The following HPGDS variants were observed in gnomAD, a reference collection of about 807,000 sequenced individuals.
HPGDS encodes GST class-sigma.
In HPGDS, 26 loss-of-function variants were observed where a neutral mutation model predicts 23.1. That is an observed-to-expected ratio of 1.13 (90% CI 0.83 to 1.56). The LOEUF (loss-of-function observed/expected upper bound fraction) is 1.56, where lower values mean the gene tolerates loss of function less well. Among genes scored for constraint, HPGDS ranks in the 40% most tolerant of loss-of-function variants. HPGDS has a pLI of 0.00. For synonymous variants in HPGDS, 95 were observed against 77.9 expected (o/e 1.22, Z -1.16); for missense variants, 268 against 236.4 (o/e 1.13, Z -0.88).
chr4:94,323,001 T>C (rs1756548808), intron 2 of HPGDS, among the ~76,000 whole-genome samples: 1 of 152,258 alleles, frequency 6.6e-6, no homozygotes, highest in Non-Finnish European at 1.5e-5. Context: ...TGTTTATTTC[T>C]GCCTTCATTT....
chr4:94,319,151 G>C (rs767592708), intron 2 of HPGDS, among the ~76,000 whole-genome samples: 7 of 152,118 alleles, frequency 4.6e-5, no homozygotes, highest in Non-Finnish European at 1.0e-4. Context: ...TCCAACTCTT[G>C]TTACATTAGA....
intron 3 of HPGDS, among the ~76,000 whole-genome samples, chr4:94,315,164 AATCCCCAGTGAGAC>A (rs1756370368): frequency 1.5e-5 from 1 of 64,890 alleles, no homozygotes; most frequent in South Asian, 1.0e-3. Context: ...ACTGTCTGAC[AATCCCCAGTGAGAC>A]AATCCCCGGT....
chr4:94,319,441 T>C (rs545102121), intron 2 of HPGDS, among the ~76,000 whole-genome samples: 92 of 152,338 alleles, frequency 6.0e-4, no homozygotes, highest in African/African-American at 2.1e-3. Context: ...AGGCAGCAGA[T>C]AGTTGGCTTG....
chr4:94,307,693 C>A (rs1367193377), intron 4 of HPGDS, among the ~76,000 whole-genome samples: 1 of 152,090 alleles, frequency 6.6e-6, no homozygotes, highest in Non-Finnish European at 1.5e-5. Context: ...AACAGATGAA[C>A]TGACACTACG....
chr4:94,312,833 A>G (rs1335247119), intron 3 of HPGDS, among the ~76,000 whole-genome samples: 1 of 152,206 alleles, frequency 6.6e-6, no homozygotes, highest in African/African-American at 2.4e-5. Flanking sequence ...TATTGGGTGC[A>G]TATATATTTA....
chr4:94,317,855 G>T lies in HPGDS; in HGVS notation c.226+18C>A. 6.9e-7 allele frequency: 1 copy of T among 1,449,940 alleles called. No individual in the cohort carries two copies. The highest frequency in any genetic ancestry group is 9.7e-7 in the Non-Finnish European group (1 of 1,035,038). 89.8% of individuals were successfully genotyped at this position (1,449,940 alleles called of 1,614,324 possible). A position where few individuals can be genotyped will look rare whatever the true frequency, so the allele number is the denominator to read the frequency against. On this transcript the variant is annotated intron_variant, in intron 3 of 5. Transcript: ENST00000295256. ...TTGTTTCAGTTATCAAAAATCTTAA[G>T]CACAATAAACATGTTACCTGTGTTT...
At chr4:94,317,697 C>T (rs1756424626) in intron 3 of HPGDS, among the ~76,000 whole-genome samples, 176 bp downstream of exon 3, 1 of 152,102 alleles carries the variant, frequency 6.6e-6, no homozygotes. Context: ...TCTAATTGTC[C>T]AGGGAACTCA....
At chr4:94,322,074 T>C (rs1756522836) in intron 2 of HPGDS, among the ~76,000 whole-genome samples, 1 of 152,186 alleles carries the variant, frequency 6.6e-6, no homozygotes, top group Non-Finnish European at 1.5e-5. Context: ...ATTTATTGAT[T>C]TGCATATGTT....
chr4:94,310,766 GA>G (rs1441684979), intron 3 of HPGDS, among the ~76,000 whole-genome samples: 1 of 152,188 alleles, frequency 6.6e-6, no homozygotes, highest in Non-Finnish European at 1.5e-5. Context: ...TCCTACCCAT[GA>G]GCATGGAATG....
rs1283381114 is a variant in HPGDS, at chr4:94,340,981, G to A, written c.-10+1814C>T. 2.0e-5 allele frequency among the ~76,000 whole-genome samples: 3 copies of A among 151,522 alleles called. No homozygotes were observed. In the South Asian group the frequency reaches 6.3e-4, roughly 32 times the overall value. On this transcript the variant is annotated intron_variant, in intron 1 of 5. Coordinates refer to ENST00000295256, the MANE Select transcript of HPGDS (RefSeq NM_014485.3). ...CTGCCTCAGCCTCCCCAGTAGCTGG[G>A]ATTACAGACGCCCACCACCGCGCCC... is the stretch of plus-strand genomic sequence containing the variant.
intron 2 of HPGDS, among the ~76,000 whole-genome samples, chr4:94,326,859 G>A (rs1243157708): frequency 6.6e-6 from 1 of 152,066 alleles, no homozygotes; most frequent in East Asian, 1.9e-4. Context: ...GATTTTTGTA[G>A]GGAAACCCTT....
intron 3 of HPGDS, among the ~76,000 whole-genome samples, chr4:94,314,333 C>A (rs1756347575): frequency 6.6e-6 from 1 of 152,134 alleles, no homozygotes; most frequent in African/African-American, 2.4e-5. Context: ...GATGTCCTTT[C>A]TGTTTGTTAG....
intron 2 of HPGDS, among the ~76,000 whole-genome samples, chr4:94,331,056 C>T (rs138471553): frequency 3.9e-5 from 6 of 152,226 alleles, no homozygotes; most frequent in South Asian, 2.1e-4. Flanking sequence ...CCAGAGTTTG[C>T]CTTATTTGAA....
intron 4 of HPGDS, among the ~76,000 whole-genome samples, chr4:94,306,451 G>A (rs1756139699): frequency 6.6e-6 from 1 of 152,130 alleles, no homozygotes; most frequent in Admixed American, 6.6e-5. Flanking sequence ...TTTGAAGCTA[G>A]TAAGCAGATG....
At chr4:94,336,858 G>A (rs1295079216) in intron 1 of HPGDS, among the ~76,000 whole-genome samples, 1 of 152,164 alleles carries the variant, frequency 6.6e-6, no homozygotes, top group African/African-American at 2.4e-5. Context: ...TATAATTCCT[G>A]GACGTATTTG....
intron 1 of HPGDS, among the ~76,000 whole-genome samples, chr4:94,340,905 C>A (rs1419895336): frequency 7.5e-6 from 1 of 133,360 alleles, no homozygotes; most frequent in Non-Finnish European, 1.5e-5. Flanking sequence ...AGTGCAGTGG[C>A]GCAATCTCGG....
chr4:94,309,488 C>T (rs1756214963), intron 3 of HPGDS, among the ~76,000 whole-genome samples: 1 of 152,030 alleles, frequency 6.6e-6, no homozygotes, highest in Non-Finnish European at 1.5e-5. Context: ...CATAGTATTC[C>T]ATGGTGTATA....
intron 3 of HPGDS, among the ~76,000 whole-genome samples, chr4:94,314,748 G>A (rs960453295): frequency 2.0e-5 from 3 of 152,128 alleles, no homozygotes; most frequent in African/African-American, 7.2e-5. Context: ...TGGAGTCTAC[G>A]GAGGCAGGCA....
intron 2 of HPGDS, among the ~76,000 whole-genome samples, chr4:94,320,922 C>G (rs1196259418): frequency 6.6e-6 from 1 of 152,174 alleles, no homozygotes; most frequent in Non-Finnish European, 1.5e-5. Flanking sequence ...TTTAATCCAT[C>G]TTGAATGAAT....
Sources: gnomAD v4.1 joint callset for allele counts (sites outside exome capture counted in the v4.1 genomes callset) on GRCh38, gnomAD v4.1.1 for gene constraint, MANE v1.5 for transcripts, NCBI Gene and HGNC (gene_info 2026-07-23, HGNC 2026-07-21) for gene names.